COL4A2: variants seen among roughly 807,000 people sequenced by gnomAD.
COL4A2 encodes the protein collagen type IV alpha 2 chain.
COL4A2 carries 99 observed loss-of-function variants against 200.2 expected under a neutral mutation model. That is an observed-to-expected ratio of 0.49 (90% CI 0.42 to 0.58). The LOEUF (loss-of-function observed/expected upper bound fraction) is 0.58. Among genes scored for constraint, COL4A2 ranks in the 20% least tolerant of loss-of-function variants. The pLI is 0.00. For missense variants in COL4A2, 1,950 were observed against 2,314.1 expected (o/e 0.84, Z 3.23); for synonymous variants, 897 against 900.6 (o/e 1.00, Z 0.07).
intron 4 of COL4A2, among the ~76,000 whole-genome samples, chr13:110,390,589 T>G (rs1036829651): frequency 6.6e-6 from 1 of 152,242 alleles, no homozygotes; most frequent in African/African-American, 2.4e-5. Context: ...TATTGGGAAC[T>G]TCACTGAACT....
At chr13:110,437,522 A>T (rs1447717221) in intron 13 of COL4A2, among the ~76,000 whole-genome samples, 1 of 152,196 alleles carries the variant, frequency 6.6e-6, no homozygotes, top group African/African-American at 2.4e-5. Context: ...AATGGGAAAA[A>T]CGTAGATCAT....
intron 4 of COL4A2, among the ~76,000 whole-genome samples, chr13:110,362,784 G>A (rs530787654): frequency 6.6e-6 from 1 of 152,370 alleles, no homozygotes; most frequent in Admixed American, 6.5e-5. Flanking sequence ...TAGAGGGGCA[G>A]ATAGGAAATC....
intron 4 of COL4A2, among the ~76,000 whole-genome samples, chr13:110,391,473 T>C (rs1878978999): frequency 6.6e-6 from 1 of 152,202 alleles, no homozygotes; most frequent in Non-Finnish European, 1.5e-5. Context: ...TCAGGATCTG[T>C]TGAGTTAAAA....
chr13:110,486,398 G>A (rs1208682835), intron 34 of COL4A2, among the ~76,000 whole-genome samples: 5 of 152,322 alleles, frequency 3.3e-5, no homozygotes, highest in Admixed American at 1.3e-4. Flanking sequence ...CTACCTTGCA[G>A]TTTTCTTGAG....
chr13:110,398,526 G>C (rs922885490), intron 4 of COL4A2, among the ~76,000 whole-genome samples: 2 of 152,038 alleles, frequency 1.3e-5, no homozygotes, highest in African/African-American at 4.8e-5. Context: ...TTAGTGTTTT[G>C]TTTTTAGTTT....
At chr13:110,338,434 T>TGGG (rs11335478) in intron 3 of COL4A2, among the ~76,000 whole-genome samples, 3 of 127,284 alleles carry the variant, frequency 2.4e-5, no homozygotes, top group Admixed American at 7.9e-5. Context: ...ATGTTGTGTG[T>TGGG]GGGGGGGGGT....
intron 3 of COL4A2, among the ~76,000 whole-genome samples, chr13:110,339,938 G>A (rs962032573): frequency 1.3e-5 from 2 of 152,198 alleles, no homozygotes; most frequent in East Asian, 3.8e-4. Flanking sequence ...GTATAGAACA[G>A]TAACACTGTT....
intron 16 of COL4A2, among the ~76,000 whole-genome samples, chr13:110,442,372 G>T (rs1012899064): frequency 6.6e-6 from 1 of 152,204 alleles, no homozygotes; most frequent in African/African-American, 2.4e-5. Context: ...CACAAATGAC[G>T]CAGCCGCCGT....
At chr13:110,473,232 A>T (rs1882550602) in intron 29 of COL4A2, 82 bp downstream of exon 29, 1 of 1,349,500 alleles carries the variant, frequency 7.4e-7, no homozygotes, top group South Asian at 1.3e-5. Context: ...CTTCCGGGGG[A>T]TTTGGTAGGA....
At chr13:110,459,930 C>T (rs1047556373) in intron 22 of COL4A2, among the ~76,000 whole-genome samples, 3 of 152,162 alleles carry the variant, frequency 2.0e-5, no homozygotes, top group African/African-American at 7.2e-5. Context: ...CACATCAGCT[C>T]ATGGCCTTTA....
At chr13:110,375,030 G>T (rs1242010644) in intron 4 of COL4A2, among the ~76,000 whole-genome samples, 1 of 152,076 alleles carries the variant, frequency 6.6e-6, no homozygotes, top group Non-Finnish European at 1.5e-5. Context: ...TTTTACTTTA[G>T]TCCTTATCTA....
chr13:110,367,125 T>C (rs9555694), intron 4 of COL4A2, among the ~76,000 whole-genome samples: 61,161 of 152,060 alleles, frequency 0.4, 12,429 homozygotes, highest in Middle Eastern at 0.57. Context: ...ATGTAAGCCC[T>C]GTATCGATGG....
chr13:110,354,789 A>G (rs546085668), intron 3 of COL4A2, among the ~76,000 whole-genome samples: 2 of 152,274 alleles, frequency 1.3e-5, no homozygotes, highest in Non-Finnish European at 1.5e-5. Flanking sequence ...ACATGGAGTC[A>G]TTGCTGGAAC....
chr13:110,392,579 G>A (rs546521316), intron 4 of COL4A2, among the ~76,000 whole-genome samples: 1 of 152,230 alleles, frequency 6.6e-6, no homozygotes, highest in African/African-American at 2.4e-5. Context: ...AAAATGTATT[G>A]TGCAGCAGCA....
chr13:110,466,932 T>C, intron 26 of COL4A2, 108 bp from the exon 27 acceptor site: 1 of 1,375,942 alleles, frequency 7.3e-7, no homozygotes. Context: ...GATCCCAGAA[T>C]GGTAGCCGGT....
At chr13:110,505,987 G>T (rs1321878564) in intron 45 of COL4A2, among the ~76,000 whole-genome samples, 1 of 152,158 alleles carries the variant, frequency 6.6e-6, no homozygotes, top group Non-Finnish European at 1.5e-5. Flanking sequence ...ACAAAGTGTG[G>T]ATCAAATCCT....
intron 10 of COL4A2, among the ~76,000 whole-genome samples, 158 bp from the exon 11 acceptor site, chr13:110,432,167 C>T (rs867265071): frequency 6.6e-6 from 1 of 152,356 alleles, no homozygotes; most frequent in African/African-American, 2.4e-5. Context: ...TCTCCCCCAG[C>T]ATGTCATCTC....
At chr13:110,442,527 G>A (rs192290485) in intron 16 of COL4A2, among the ~76,000 whole-genome samples, 96 of 152,222 alleles carry the variant, frequency 6.3e-4, no homozygotes, top group African/African-American at 2.1e-3. Context: ...GCAACTGCTC[G>A]GTGACATAAA....
chr13:110,309,995 C>G (rs1407867712), intron 3 of COL4A2, among the ~76,000 whole-genome samples: 1 of 151,958 alleles, frequency 6.6e-6, no homozygotes, highest in Non-Finnish European at 1.5e-5. Flanking sequence ...TGTCTAAAAA[C>G]AAAACAAACA....
Sources: allele counts gnomAD v4.1 joint callset (sites outside exome capture counted in the v4.1 genomes callset), GRCh38; gene constraint gnomAD v4.1.1; transcripts MANE v1.5; gene names NCBI Gene and HGNC (gene_info 2026-07-23, HGNC 2026-07-21).